Variants in RGS8 observed in about 807,000 individuals in gnomAD.
RGS8 encodes the protein regulator of G-protein signaling 8.
RGS8 carries 8 observed loss-of-function variants against 21.7 expected under a neutral mutation model. The ratio of observed to expected loss-of-function variants is 0.37; its 90% confidence interval spans 0.22 to 0.66. The LOEUF is 0.66. Among genes scored for constraint, RGS8 ranks in the 30% least tolerant of loss-of-function variants. The pLI, the probability that RGS8 is intolerant of heterozygous loss-of-function variation, is 0.59. For synonymous variants in RGS8, 80 were observed against 83.6 expected, an observed-to-expected ratio of 0.96 and a Z score of 0.24; for missense variants, 157 against 217.9, an observed-to-expected ratio of 0.72 and a Z score of 1.76.
At chr1:182,642,941 T>G (rs1305169945), downstream of RGS8, 1 of 152,124 alleles carries the variant, frequency 6.6e-6, no homozygotes, top group Non-Finnish European at 1.5e-5. Flanking sequence ...GAGTGGGGGT[T>G]CCAACTACCT....
the RGS8 span, among the ~76,000 whole-genome samples, chr1:182,699,652 A>G: frequency 2.6e-5 from 4 of 152,172 alleles, no homozygotes; most frequent in Non-Finnish European, 4.4e-5. Flanking sequence ...TCGTTGCTGC[A>G]GGGACCTTAA....
At chr1:182,743,791 A>G in the RGS8 span, among the ~76,000 whole-genome samples, 1 of 152,252 alleles carries the variant, frequency 6.6e-6, no homozygotes, top group Non-Finnish European at 1.5e-5. Context: ...ATGTGTATAC[A>G]CACACAATGC....
At chr1:182,714,559 C>A in the RGS8 span, 1 of 152,270 alleles carries the variant, frequency 6.6e-6, no homozygotes, top group South Asian at 2.1e-4. Flanking sequence ...GTTTTTAAGT[C>A]TATAAAGTCA....
chr1:182,645,553 G>A (rs1662665084), downstream of RGS8: 1 of 152,228 alleles, frequency 6.6e-6, no homozygotes. Context: ...ACGTCCAGAT[G>A]TTCACAGTGA....
At chr1:182,735,118 C>G in the RGS8 span, among the ~76,000 whole-genome samples, 1 of 152,166 alleles carries the variant, frequency 6.6e-6, no homozygotes, top group Admixed American at 6.5e-5. Context: ...ATTTTAAGTG[C>G]TCAGTAGTGC....
chr1:182,744,304 T>G, the RGS8 span, among the ~76,000 whole-genome samples: 1 of 151,720 alleles, frequency 6.6e-6, no homozygotes, highest in Non-Finnish European at 1.5e-5. Context: ...AAAAAAAAAA[T>G]TGTGGAGATG....
At chr1:182,713,776 C>A in the RGS8 span, among the ~76,000 whole-genome samples, 1 of 152,322 alleles carries the variant, frequency 6.6e-6, no homozygotes, top group South Asian at 2.1e-4. Flanking sequence ...CCATGGTACG[C>A]ATACACGCCA....
At chr1:182,670,197 G>A (rs920705554) in intron 2 of RGS8, among the ~76,000 whole-genome samples, 25 of 152,310 alleles carry the variant, frequency 1.6e-4, no homozygotes, top group African/African-American at 5.5e-4. Flanking sequence ...GTGGGAGTGC[G>A]TGGAGACTCG....
chr1:182,738,915 G>C, the RGS8 span, among the ~76,000 whole-genome samples: 1 of 152,206 alleles, frequency 6.6e-6, no homozygotes, highest in African/African-American at 2.4e-5. Context: ...GATGAAGGTC[G>C]ATGGTAAGGA....
the RGS8 span, among the ~76,000 whole-genome samples, chr1:182,707,091 G>A: frequency 6.6e-6 from 1 of 152,056 alleles, no homozygotes; most frequent in East Asian, 1.9e-4. Flanking sequence ...CCGGGAGGTG[G>A]AGGTTGCATT....
chr1:182,729,930 C>T, the RGS8 span, among the ~76,000 whole-genome samples: 1 of 152,162 alleles, frequency 6.6e-6, no homozygotes, highest in African/African-American at 2.4e-5. Flanking sequence ...CTAAAAATAA[C>T]ATAGGCCACG....
chr1:182,750,136 A>G, the RGS8 span, among the ~76,000 whole-genome samples: 1 of 152,288 alleles, frequency 6.6e-6, no homozygotes, highest in Non-Finnish European at 1.5e-5. Context: ...ATGCAGAATT[A>G]GAACACATAG....
chr1:182,700,556 A>G, the RGS8 span, among the ~76,000 whole-genome samples: 2,185 of 152,340 alleles, frequency 0.014, 58 homozygotes, highest in African/African-American at 0.05. Flanking sequence ...CTCTGGCGGC[A>G]GAAGACACAG....
the RGS8 span, among the ~76,000 whole-genome samples, chr1:182,715,793 A>G: frequency 6.6e-6 from 1 of 152,186 alleles, no homozygotes; most frequent in Non-Finnish European, 1.5e-5. Context: ...CTCGGCAAGG[A>G]ATAGCAGTGT....
upstream of RGS8, among the ~76,000 whole-genome samples, chr1:182,688,805 G>A (rs538339840): frequency 2.6e-5 from 4 of 152,296 alleles, no homozygotes; most frequent in Admixed American, 2.6e-4. Flanking sequence ...CCCAGCTGAA[G>A]TTCATCAAGG....
the RGS8 span, among the ~76,000 whole-genome samples, chr1:182,733,572 C>T: frequency 6.6e-6 from 1 of 152,194 alleles, no homozygotes; most frequent in Non-Finnish European, 1.5e-5. Flanking sequence ...GAGTGACTCT[C>T]ACTCATATCT....
intron 3 of RGS8, among the ~76,000 whole-genome samples, chr1:182,668,740 CT>C (rs1663999165): frequency 6.6e-6 from 1 of 152,202 alleles, no homozygotes; most frequent in Non-Finnish European, 1.5e-5. Flanking sequence ...ACATTGGCTA[CT>C]GCTATTCTCT....
the RGS8 span, among the ~76,000 whole-genome samples, chr1:182,722,688 C>A: frequency 1.3e-5 from 2 of 152,144 alleles, no homozygotes; most frequent in African/African-American, 4.8e-5. Context: ...TATAAAGATG[C>A]CAGTCAGGCC....
At chr1:182,665,465 G>A (rs1663810934) in intron 5 of RGS8, among the ~76,000 whole-genome samples, 1 of 152,120 alleles carries the variant, frequency 6.6e-6, no homozygotes, top group Non-Finnish European at 1.5e-5. Context: ...AGAAATTGAG[G>A]GGTAAAATGC....
Sources: gnomAD v4.1 joint callset for allele counts (sites outside exome capture counted in the v4.1 genomes callset) on GRCh38, gnomAD v4.1.1 for gene constraint, MANE v1.5 for transcripts, NCBI Gene and HGNC (gene_info 2026-07-23, HGNC 2026-07-21) for gene names.